Variants in POT1 observed in about 807,000 individuals in gnomAD.
POT1 encodes protection of telomeres protein 1.
In POT1, 47 loss-of-function variants were observed where a neutral mutation model predicts 78.5. That is an observed-to-expected ratio of 0.60 (90% CI 0.47 to 0.76). The LOEUF (loss-of-function observed/expected upper bound fraction) is 0.76, where lower values mean the gene tolerates loss of function less well. POT1 is among the 30% of genes least tolerant of loss of function. The pLI is 0.00. For synonymous variants in POT1, 259 were observed against 260.7 expected (o/e 0.99, Z 0.06); for missense variants, 646 against 749.9 (o/e 0.86, Z 1.62).
In POT1 at chr7:124,928,212, C is replaced by A. The variant is rs965461887; in HGVS notation, c.-227+603G>T. Among the ~76,000 whole-genome samples the A allele has an allele frequency of 1.6e-4, 25 of 152,132 alleles. 1 individual carries two copies. The highest frequency in any genetic ancestry group is 1.3e-3 in the Admixed American group (20 of 15,260). ...ACTCTCACCTAAATTACTGTAATTG[C>A]CTCTTAACTAAACATCTTTCCTCTA... On this transcript the variant is annotated intron_variant, in intron 2 of 18. Coordinates refer to ENST00000357628, the MANE Select transcript of POT1 (RefSeq NM_015450.3).
chr7:124,863,260 G>A, intron 8 of POT1, 90 bp downstream of exon 8: 1 of 1,268,024 alleles, frequency 7.9e-7, no homozygotes, highest in South Asian at 1.4e-5. Context: ...TACACAGCAT[G>A]CTTTATCTCA....
At chr7:124,863,067 A>G (rs1405974886) in intron 8 of POT1, among the ~76,000 whole-genome samples, 1 of 152,146 alleles carries the variant, frequency 6.6e-6, no homozygotes, top group Non-Finnish European at 1.5e-5. Context: ...ATAGAAAACA[A>G]GTCTACATCT....
At chr7:124,860,906 C>T (rs911695274) in intron 8 of POT1, among the ~76,000 whole-genome samples, 1 of 152,086 alleles carries the variant, frequency 6.6e-6, no homozygotes. Context: ...TGGTTTCTAG[C>T]TTCGTCCATG....
chr7:124,838,092 A>C (rs1773333826), intron 14 of POT1, among the ~76,000 whole-genome samples: 2 of 152,174 alleles, frequency 1.3e-5, no homozygotes, highest in African/African-American at 4.8e-5. Flanking sequence ...CCACAGCTAA[A>C]ATTACATTTA....
At position 124,869,366 on chromosome 7, in the gene POT1, G is replaced by A. The variant is rs146890667; in HGVS notation, c.255+1545C>T. ...GGGTTATGAAGGAAGTTTCCAGAGT[G>A]TTAGCTATGTGAGTATGGTTATATT... On this transcript the variant is annotated intron_variant, in intron 7 of 18. Transcript: ENST00000357628. Among the ~76,000 whole-genome samples, 25 of 152,168 alleles carry A rather than the reference G, an allele frequency of 1.6e-4. No homozygotes were observed. In the East Asian group the frequency reaches 4.6e-3, roughly 28 times the overall value.
rs750242979 is a variant in POT1 at position 124,897,159 on chromosome 7, T to C, written c.9+6A>G. ...ATACTCTAAATTAAACTGAATATCA[T>C]CTTACCAAAGACATTGATTCTGTAG... On this transcript the variant is annotated splice_donor_region_variant and intron_variant, in intron 5 of 18. Transcript: ENST00000357628. 71 of 1,450,492 alleles carry C rather than the reference T, an allele frequency of 4.9e-5. No homozygotes were observed. Among genetic ancestry groups the C allele is most frequent in the Non-Finnish European group, 6.1e-5 (64 of 1,046,432 alleles). 89.9% of individuals were successfully genotyped at this position (1,450,492 alleles called of 1,614,324 possible). A position where few individuals can be genotyped will look rare whatever the true frequency, so the allele number is the denominator to read the frequency against.
At chr7:124,894,718 T>C (rs1259696760) in intron 5 of POT1, among the ~76,000 whole-genome samples, 2 of 151,562 alleles carry the variant, frequency 1.3e-5, no homozygotes, top group Non-Finnish European at 3.0e-5. Context: ...TTTGCCTCCC[T>C]TGCTGACACA....
intron 3 of POT1, among the ~76,000 whole-genome samples, chr7:124,910,114 A>G (rs540120425): frequency 6.6e-6 from 1 of 152,038 alleles, no homozygotes; most frequent in East Asian, 1.9e-4. Context: ...CTGGAAGGGT[A>G]CTAAAAAAAG....
chr7:124,874,474 C>T (rs1448604995), intron 6 of POT1, among the ~76,000 whole-genome samples: 1 of 152,060 alleles, frequency 6.6e-6, no homozygotes, highest in Non-Finnish European at 1.5e-5. Flanking sequence ...ATGGAAGACA[C>T]TGTAATCCTA....
intron 2 of POT1, among the ~76,000 whole-genome samples, chr7:124,922,927 C>G (rs1797186335): frequency 6.6e-6 from 1 of 151,734 alleles, no homozygotes; most frequent in Non-Finnish European, 1.5e-5. Context: ...TGTTCATACA[C>G]TCAATATAAG....
intron 7 of POT1, among the ~76,000 whole-genome samples, chr7:124,866,434 TGTTCAACCACA>T (rs1795726940): frequency 6.6e-6 from 1 of 152,026 alleles, no homozygotes; most frequent in Non-Finnish European, 1.5e-5. Flanking sequence ...ATCCATTTCA[TGTTCAACCACA>T]GTTCAACCAC....
At chr7:124,846,874 GT>G in intron 12 of POT1, 67 bp downstream of exon 12, 1 of 1,070,916 alleles carries the variant, frequency 9.3e-7, no homozygotes. Context: ...GGATTAGCTG[GT>G]AAGTGTAGAG....
chr7:124,834,084 C>T (rs1206530500), intron 15 of POT1, among the ~76,000 whole-genome samples: 1 of 152,080 alleles, frequency 6.6e-6, no homozygotes, highest in East Asian at 1.9e-4. Flanking sequence ...GATCCCCTTA[C>T]ACCTTATACA....
chr7:124,871,877 C>T (rs1341854567), intron 6 of POT1, among the ~76,000 whole-genome samples: 2 of 151,844 alleles, frequency 1.3e-5, no homozygotes, highest in Admixed American at 6.6e-5. Context: ...ATTTTTGCAG[C>T]GAGAACACTT....
chr7:124,862,756 A>G (rs1795628364), intron 8 of POT1, among the ~76,000 whole-genome samples: 1 of 152,164 alleles, frequency 6.6e-6, no homozygotes, highest in South Asian at 2.1e-4. Flanking sequence ...CCTCCATAGG[A>G]TGTCCAGGCA....
At chr7:124,853,252 T>C in intron 9 of POT1, 114 bp from the exon 10 acceptor site, 1 of 734,244 alleles carries the variant, frequency 1.4e-6, no homozygotes, top group Non-Finnish European at 2.2e-6. Flanking sequence ...AGTCAGGAAA[T>C]ATACTAAAGT....
At chr7:124,833,939 C>G (rs1794830359) in intron 15 of POT1, among the ~76,000 whole-genome samples, 1 of 152,090 alleles carries the variant, frequency 6.6e-6, no homozygotes. Flanking sequence ...AAAGTTTTCT[C>G]AGTTGAAAAC....
At chr7:124,841,292 T>C (rs1795022996) in intron 13 of POT1, 114 bp from the exon 14 acceptor site, 2 of 732,044 alleles carry the variant, frequency 2.7e-6, no homozygotes, top group South Asian at 2.0e-5. Context: ...ATGAGTCAGT[T>C]ACTTTTTCTT....
At chr7:124,832,275 G>T (rs66823127) in intron 15 of POT1, among the ~76,000 whole-genome samples, 54,258 of 128,376 alleles carry the variant, frequency 0.42, 11,225 homozygotes, top group East Asian at 0.54. Flanking sequence ...AAAAAAAAAA[G>T]TCTGAAATAA....
Sources: gnomAD v4.1 joint callset for allele counts (sites outside exome capture counted in the v4.1 genomes callset) on GRCh38, gnomAD v4.1.1 for gene constraint, MANE v1.5 for transcripts, NCBI Gene and HGNC (gene_info 2026-07-23, HGNC 2026-07-21) for gene names.